SOX5: variants seen among roughly 807,000 people sequenced by gnomAD.
The protein encoded by SOX5 is transcription factor SOX-5.
Under a neutral mutation model 92.0 loss-of-function variants are expected in SOX5, and 9 were observed. That is an observed-to-expected ratio of 0.10 (90% CI 0.06 to 0.17). The LOEUF (loss-of-function observed/expected upper bound fraction) is 0.17, where lower values mean the gene tolerates loss of function less well. SOX5 is among the 10% of genes least tolerant of loss of function. SOX5 has a pLI of 1.00. For missense variants in SOX5, 642 were observed against 944.5 expected (o/e 0.68, Z 4.20); for synonymous variants, 344 against 336.3 (o/e 1.02, Z -0.25).
chr12:24,290,942 C>T (rs1403658476), intron 2 of SOX5, among the ~76,000 whole-genome samples: 1 of 152,156 alleles, frequency 6.6e-6, no homozygotes, highest in Non-Finnish European at 1.5e-5. Flanking sequence ...AGACACAGGG[C>T]TAAGTTCACA....
At chr12:24,052,909 T>C (rs1481310982) in intron 4 of SOX5, among the ~76,000 whole-genome samples, 1 of 152,208 alleles carries the variant, frequency 6.6e-6, no homozygotes. Flanking sequence ...AAATTCCTTA[T>C]TACAAGTTCA....
In SOX5 at chr12:23,641,868, C is replaced by T. The variant is rs185528218; in HGVS notation, c.932-971G>A. ...TATAAAAAATGTGTTGAATATTGCA[C>T]GCATGAAAAATATAACTTAAAATAA... On this transcript the variant is annotated intron_variant, in intron 7 of 14. Coordinates refer to ENST00000451604, the MANE Select transcript of SOX5 (RefSeq NM_006940.6). Among the ~76,000 whole-genome samples, 39 of 152,188 alleles carry T rather than the reference C, an allele frequency of 2.6e-4. 1 individual carries two copies. Among genetic ancestry groups the T allele is most frequent in the East Asian group, 2.3e-3 (12 of 5,186 alleles).
intron 2 of SOX5, among the ~76,000 whole-genome samples, chr12:23,865,194 C>T (rs1427997132): frequency 6.6e-6 from 1 of 152,114 alleles, no homozygotes; most frequent in Admixed American, 6.5e-5. Context: ...ACTGTTGAGA[C>T]CTACTTCACA....
intron 1 of SOX5, among the ~76,000 whole-genome samples, chr12:24,556,306 T>G (rs1953773522): frequency 6.6e-6 from 1 of 152,248 alleles, no homozygotes; most frequent in Non-Finnish European, 1.5e-5. Flanking sequence ...TTAGTTGTAC[T>G]GATAGACAAA....
chr12:24,080,831 A>G (rs1231841383), intron 4 of SOX5, among the ~76,000 whole-genome samples: 1 of 151,952 alleles, frequency 6.6e-6, no homozygotes, highest in African/African-American at 2.4e-5. Flanking sequence ...GGGGGAAGAA[A>G]TGGCATTGTA....
intron 11 of SOX5, among the ~76,000 whole-genome samples, chr12:23,554,555 A>G (rs1944780274): frequency 6.6e-6 from 1 of 152,184 alleles, no homozygotes; most frequent in East Asian, 1.9e-4. Context: ...CTCAAGTTAA[A>G]AAATTGTTTT....
chr12:24,421,555 C>A (rs1397087513), intron 1 of SOX5, among the ~76,000 whole-genome samples: 4 of 152,106 alleles, frequency 2.6e-5, no homozygotes, highest in Non-Finnish European at 5.9e-5. Flanking sequence ...TCAGTACTCT[C>A]TTTGGTGGTT....
intron 1 of SOX5, among the ~76,000 whole-genome samples, chr12:24,468,556 C>G (rs911980677): frequency 2.6e-5 from 4 of 152,146 alleles, no homozygotes; most frequent in African/African-American, 9.7e-5. Flanking sequence ...TCAGCACTTT[C>G]CCACATGCAC....
intron 4 of SOX5, among the ~76,000 whole-genome samples, chr12:24,182,770 G>A (rs753084612): frequency 6.6e-6 from 1 of 152,210 alleles, no homozygotes; most frequent in African/African-American, 2.4e-5. Flanking sequence ...CTGGAGTGCA[G>A]TGGCACGACC....
intron 9 of SOX5, among the ~76,000 whole-genome samples, chr12:23,580,208 G>A (rs552431040): frequency 1.3e-5 from 2 of 152,072 alleles, no homozygotes; most frequent in East Asian, 3.9e-4. Flanking sequence ...GGCTTAGAAA[G>A]TTCTAATGAA....
At chr12:24,412,812 T>C (rs561899533) in intron 1 of SOX5, among the ~76,000 whole-genome samples, 1 of 138,456 alleles carries the variant, frequency 7.2e-6, no homozygotes, top group East Asian at 2.1e-4. Context: ...GGGAGTGCAG[T>C]GGCGCAATCT....
intron 7 of SOX5, among the ~76,000 whole-genome samples, chr12:23,645,017 G>A (rs1486016098): frequency 6.6e-6 from 1 of 152,054 alleles, no homozygotes; most frequent in Non-Finnish European, 1.5e-5. Flanking sequence ...CAATTCATAA[G>A]CACTATAACA....
At chr12:24,316,236 G>A (rs976501418) in intron 2 of SOX5, among the ~76,000 whole-genome samples, 10 of 152,162 alleles carry the variant, frequency 6.6e-5, no homozygotes, top group Non-Finnish European at 1.2e-4. Context: ...CAGGTGGGTG[G>A]GGTTGAGGGG....
At chr12:23,867,170 A>G (rs1007622954) in intron 2 of SOX5, among the ~76,000 whole-genome samples, 3 of 152,154 alleles carry the variant, frequency 2.0e-5, no homozygotes, top group African/African-American at 7.2e-5. Context: ...CATCTCATAT[A>G]CACAGGTAAG....
intron 1 of SOX5, among the ~76,000 whole-genome samples, chr12:23,901,624 A>T (rs1245883983): frequency 6.6e-6 from 1 of 152,098 alleles, no homozygotes; most frequent in Non-Finnish European, 1.5e-5. Context: ...CTTAGTCCTT[A>T]CGCCATTTTG....
At chr12:24,286,606 T>C (rs937823879) in intron 2 of SOX5, among the ~76,000 whole-genome samples, 1 of 152,174 alleles carries the variant, frequency 6.6e-6, no homozygotes, top group African/African-American at 2.4e-5. Context: ...GATACCATCA[T>C]AGCTCATTGC....
chr12:24,537,215 A>G (rs1951717621), intron 1 of SOX5, among the ~76,000 whole-genome samples: 1 of 152,224 alleles, frequency 6.6e-6, no homozygotes, highest in South Asian at 2.1e-4. Context: ...ATGAAAAGTA[A>G]CAGAATTATT....
chr12:24,276,474 C>T (rs148673346), intron 3 of SOX5, among the ~76,000 whole-genome samples: 269 of 152,204 alleles, frequency 1.8e-3, no homozygotes, highest in Non-Finnish European at 3.1e-3. Flanking sequence ...CAGGTATCAA[C>T]GAAAGGAGAT....
intron 4 of SOX5, among the ~76,000 whole-genome samples, chr12:24,092,823 T>C (rs1468138328): frequency 6.6e-6 from 1 of 152,216 alleles, no homozygotes; most frequent in Admixed American, 6.5e-5. Flanking sequence ...TCTGGGCATG[T>C]TTCTTGCTTT....
Sources: allele counts gnomAD v4.1 joint callset (sites outside exome capture counted in the v4.1 genomes callset), GRCh38; gene constraint gnomAD v4.1.1; transcripts MANE v1.5; gene names NCBI Gene and HGNC (gene_info 2026-07-23, HGNC 2026-07-21).